OLA1: variants seen among roughly 807,000 people sequenced by gnomAD.
OLA1 encodes the protein Obg like ATPase 1, also known as obg-like ATPase 1.
In OLA1, 14 loss-of-function variants were observed where a neutral mutation model predicts 48.4. That is an observed-to-expected ratio of 0.29 (90% CI 0.19 to 0.45). The LOEUF (loss-of-function observed/expected upper bound fraction) is 0.45. Among genes scored for constraint, OLA1 ranks in the 20% least tolerant of loss-of-function variants. The pLI is 1.00. For missense variants in OLA1, 325 were observed against 467.1 expected (o/e 0.70, Z 2.80); for synonymous variants, 127 against 150.4 (o/e 0.84, Z 1.14).
rs150703997 is a variant in OLA1, at chr2:174,199,692, C to T, written c.373+23341G>A. Reference sequence around the variant, plus strand: ...AACAACCAAATGGGTAAAAGAGTCACTCAAAGTACAAGATAGACTAAGGGA... The same window carrying T: ...AACAACCAAATGGGTAAAAGAGTCATTCAAAGTACAAGATAGACTAAGGGA... On this transcript the variant is annotated intron_variant, in intron 4 of 10. Coordinates refer to ENST00000284719, the MANE Select transcript of OLA1 (RefSeq NM_013341.5). Among the ~76,000 whole-genome samples, 808 of 152,066 alleles carry T rather than the reference C, an allele frequency of 5.3e-3. 9 individuals are homozygous for T. In the Middle Eastern group the frequency reaches 0.062, roughly 12 times the overall value.
At chr2:174,136,993 T>C (rs1686325777) in intron 5 of OLA1, among the ~76,000 whole-genome samples, 1 of 152,154 alleles carries the variant, frequency 6.6e-6, no homozygotes. Flanking sequence ...TCATCTAGAA[T>C]GGTGAATCCC....
intron 9 of OLA1, among the ~76,000 whole-genome samples, chr2:174,079,707 T>C (rs1239514629): frequency 6.6e-6 from 1 of 151,938 alleles, no homozygotes; most frequent in African/African-American, 2.4e-5. Context: ...TATGTTATAT[T>C]ACAAGGATAT....
chr2:174,195,435 C>G (rs1404724232), intron 4 of OLA1, among the ~76,000 whole-genome samples: 1 of 152,162 alleles, frequency 6.6e-6, no homozygotes, highest in Non-Finnish European at 1.5e-5. Flanking sequence ...ATAACTCATG[C>G]TGTCTGAAAG....
chr2:174,207,391 G>C (rs1688141547), intron 4 of OLA1, among the ~76,000 whole-genome samples: 1 of 152,142 alleles, frequency 6.6e-6, no homozygotes, highest in African/African-American at 2.4e-5. Flanking sequence ...ATATAAAACA[G>C]AATGAAGTCA....
rs571163701 is a variant in OLA1, at chr2:174,233,140, T to A, written c.102-3689A>T. Among the ~76,000 whole-genome samples the A allele has an allele frequency of 7.2e-5, 11 of 152,314 alleles. No homozygotes were observed. In the East Asian group the frequency reaches 1.9e-3, roughly 27 times the overall value. ...CTTTATGATTCCACTTATATTCATA[T>A]ACTCAAATATGAATATACTTATATG... On this transcript the variant is annotated intron_variant, in intron 2 of 10. Transcript: ENST00000284719.
chr2:174,129,159 A>G (rs1376969497), intron 5 of OLA1, among the ~76,000 whole-genome samples: 1 of 152,166 alleles, frequency 6.6e-6, no homozygotes, highest in East Asian at 1.9e-4. Flanking sequence ...AATACTCAAT[A>G]AATAATAATA....
intron 4 of OLA1, among the ~76,000 whole-genome samples, chr2:174,198,638 G>A (rs369081248): frequency 4.6e-5 from 7 of 152,134 alleles, no homozygotes; most frequent in East Asian, 3.9e-4. Flanking sequence ...TAAATTAGCC[G>A]GGTATGGCAG....
At chr2:174,136,532 T>C (rs2105376483) in intron 5 of OLA1, among the ~76,000 whole-genome samples, 1 of 152,310 alleles carries the variant, frequency 6.6e-6, no homozygotes, top group African/African-American at 2.4e-5. Flanking sequence ...TCTAGTTCTC[T>C]TGCTGTTTCC....
At chr2:174,135,160 CAAA>C (rs71405180) in intron 5 of OLA1, among the ~76,000 whole-genome samples, 5 of 85,994 alleles carry the variant, frequency 5.8e-5, no homozygotes, top group African/African-American at 5.0e-5. Context: ...ACTCCGCCTC[CAAA>C]AAAAAAAAAA....
intron 5 of OLA1, among the ~76,000 whole-genome samples, chr2:174,139,545 T>C (rs1179138713): frequency 1.3e-5 from 2 of 152,210 alleles, no homozygotes; most frequent in East Asian, 3.8e-4. Flanking sequence ...TGCCTGGGTT[T>C]TACTTCAGAC....
At position 174,165,427 on chromosome 2, in the gene OLA1, G is replaced by A. The variant is rs940396195; in HGVS notation, c.374-23427C>T. Among the ~76,000 whole-genome samples the A allele has an allele frequency of 1.4e-4, 21 of 152,166 alleles. 1 individual carries two copies. Among genetic ancestry groups the A allele is most frequent in the African/African-American group, 5.1e-4 (21 of 41,430 alleles). The stretch of plus-strand genomic sequence containing the variant: ...GAGTTCTGCCATTAACTTGCCCAAG[G>A]TCATATAGCTAACAACAATCTTTTT... On this transcript the variant is annotated intron_variant, in intron 4 of 10. Transcript: ENST00000284719.
intron 4 of OLA1, among the ~76,000 whole-genome samples, chr2:174,212,875 C>G (rs1688275596): frequency 6.6e-6 from 1 of 152,164 alleles, no homozygotes; most frequent in Admixed American, 6.5e-5. Flanking sequence ...ACAATGGCTT[C>G]TTCTGGATAG....
At chr2:174,092,139 AAAAG>A (rs1387375316) in intron 7 of OLA1, among the ~76,000 whole-genome samples, 97 of 110,158 alleles carry the variant, frequency 8.8e-4, no homozygotes, top group Non-Finnish European at 1.5e-3. Flanking sequence ...AAAAAAAAAA[AAAAG>A]AAAGAAAAGA....
At chr2:174,087,474 T>C (rs1685008916) in intron 7 of OLA1, among the ~76,000 whole-genome samples, 2 of 128,788 alleles carry the variant, frequency 1.6e-5, no homozygotes, top group South Asian at 2.3e-4. Flanking sequence ...CACTTCATAC[T>C]ACAGTTAAAT....
At chr2:174,178,722 T>C (rs1368988608) in intron 4 of OLA1, among the ~76,000 whole-genome samples, 1 of 151,946 alleles carries the variant, frequency 6.6e-6, no homozygotes, top group Non-Finnish European at 1.5e-5. Flanking sequence ...AAATGTCTAA[T>C]CACAAAATGA....
At chr2:174,194,781 G>A (rs1435025320) in intron 4 of OLA1, among the ~76,000 whole-genome samples, 1 of 152,086 alleles carries the variant, frequency 6.6e-6, no homozygotes, top group African/African-American at 2.4e-5. Context: ...ACCCTTTAGT[G>A]AAAATTAACT....
At position 174,074,422 on chromosome 2, in the gene OLA1, A is replaced by G. The variant is rs1289505724; in HGVS notation, c.*1004T>C. ...CTTTCTTTTGGAATTTTCTGCTACA[A>G]TGTTAAGAAGTGCTTAACTTACCCA... On this transcript the variant is annotated 3_prime_UTR_variant, in exon 11 of 11. Coordinates refer to ENST00000284719, the MANE Select transcript of OLA1 (RefSeq NM_013341.5). 6.6e-6 allele frequency: 1 copy of G among 152,188 alleles called. No individual in the cohort carries two copies. The highest frequency in any genetic ancestry group is 1.5e-5 in the Non-Finnish European group (1 of 68,028). The allele number at this position is 152,188 out of a possible 1,614,324, so 9.4% of individuals were successfully genotyped here. A position where few individuals can be genotyped will look rare whatever the true frequency, so the allele number is the denominator to read the frequency against.
intron 4 of OLA1, among the ~76,000 whole-genome samples, chr2:174,168,761 CTA>C (rs1491160267): frequency 2.6e-5 from 2 of 77,782 alleles, no homozygotes; most frequent in East Asian, 3.9e-4. Flanking sequence ...GTATATCTAT[CTA>C]TCTATCTATC....
rs565799400 is a variant in OLA1 at position 174,075,263 on chromosome 2, G to C, written c.*163C>G. ...TGAACCTGCATTTCATGGGGGGGGG[G>C]GGGTACACAGTATTTTAATTTTAAA... On this transcript the variant is annotated 3_prime_UTR_variant, in exon 11 of 11. Transcript: ENST00000284719. 12 of 522,320 alleles carry C rather than the reference G, an allele frequency of 2.3e-5. No individual in the cohort carries two copies. Among genetic ancestry groups the C allele is most frequent in the Middle Eastern group, 5.2e-4 (1 of 1,938 alleles). The allele number at this position is 522,320 out of a possible 1,614,324, so 32.4% of individuals were successfully genotyped here. A position where few individuals can be genotyped will look rare whatever the true frequency, so the allele number is the denominator to read the frequency against.
Sources: gnomAD v4.1 joint callset for allele counts (sites outside exome capture counted in the v4.1 genomes callset) on GRCh38, gnomAD v4.1.1 for gene constraint, MANE v1.5 for transcripts, NCBI Gene and HGNC (gene_info 2026-07-23, HGNC 2026-07-21) for gene names.